The following NEO1 variants were observed in gnomAD, a reference collection of about 807,000 sequenced individuals.
The protein encoded by NEO1 is neogenin.
Under a neutral mutation model 159.7 loss-of-function variants are expected in NEO1, and 63 were observed. The observed-to-expected ratio is 0.39, with a 90% CI of 0.32 to 0.49. NEO1 has a LOEUF of 0.49. Ranked by LOEUF, NEO1 falls within the 20% of genes least tolerant of loss-of-function variation. The pLI is 0.85. For missense variants in NEO1, 1,615 were observed against 1,831.0 expected (o/e 0.88, Z 2.15); for synonymous variants, 633 against 662.0 (o/e 0.96, Z 0.67).
At chr15:73,245,069 G>A (rs2039714642) in intron 9 of NEO1, among the ~76,000 whole-genome samples, 1 of 149,690 alleles carries the variant, frequency 6.7e-6, no homozygotes, top group Non-Finnish European at 1.5e-5. Context: ...ACTTAGCTCA[G>A]ATGCCTTCTA....
At chr15:73,269,411 A>T (rs972169512) in intron 16 of NEO1, among the ~76,000 whole-genome samples, 7 of 152,074 alleles carry the variant, frequency 4.6e-5, no homozygotes, top group Non-Finnish European at 8.8e-5. Flanking sequence ...CCCAGGCTGG[A>T]GTACAGTGGT....
At chr15:73,196,833 C>T (rs1351669192) in intron 7 of NEO1, among the ~76,000 whole-genome samples, 1 of 152,130 alleles carries the variant, frequency 6.6e-6, no homozygotes, top group Non-Finnish European at 1.5e-5. Context: ...CCTCTCAAGC[C>T]TATAATTCTC....
chr15:73,108,624 C>T (rs1485362745), intron 1 of NEO1, among the ~76,000 whole-genome samples: 1 of 152,122 alleles, frequency 6.6e-6, no homozygotes, highest in Non-Finnish European at 1.5e-5. Context: ...AATAGTCTAG[C>T]CTGCTCATGG....
At chr15:73,086,585 G>T (rs912625400) in intron 1 of NEO1, among the ~76,000 whole-genome samples, 1 of 145,552 alleles carries the variant, frequency 6.9e-6, no homozygotes, top group Non-Finnish European at 1.5e-5. Flanking sequence ...TTTTGAGATG[G>T]AGTCTCACTC....
intron 5 of NEO1, among the ~76,000 whole-genome samples, chr15:73,172,383 T>C (rs1273936979): frequency 1.3e-5 from 2 of 152,182 alleles, no homozygotes; most frequent in African/African-American, 4.8e-5. Flanking sequence ...TAAATGGTTA[T>C]AAGTGGAAAG....
rs116270378 is a variant in NEO1, at chr15:73,271,405, A to G, written c.2857+951A>G. Among the ~76,000 whole-genome samples, 491 of 152,284 alleles carry G rather than the reference A, an allele frequency of 3.2e-3. 1 individual carries two copies. Among genetic ancestry groups the G allele is most frequent in the African/African-American group, 0.011 (464 of 41,548 alleles). ...AAGAGTTGAGTAAATTTAAGGATGT[A>G]CTTAATTTGCTCATTTTCCTACTAG... On this transcript the variant is annotated intron_variant, in intron 18 of 28. Coordinates refer to ENST00000261908, the MANE Select transcript of NEO1 (RefSeq NM_002499.4).
chr15:73,301,206 T>C (rs1229967449), intron 27 of NEO1, 115 bp from the exon 28 acceptor site: 1 of 1,358,378 alleles, frequency 7.4e-7, no homozygotes, highest in Non-Finnish European at 1.0e-6. Flanking sequence ...GCAGTATCCC[T>C]GCACTGGGTC....
At chr15:73,213,820 T>C (rs2037722918) in intron 7 of NEO1, among the ~76,000 whole-genome samples, 1 of 152,232 alleles carries the variant, frequency 6.6e-6, no homozygotes, top group Admixed American at 6.5e-5. Context: ...GTAGTTCTAC[T>C]TTTAATTCTT....
intron 11 of NEO1, among the ~76,000 whole-genome samples, chr15:73,252,800 G>C (rs1198889547): frequency 6.6e-6 from 1 of 152,046 alleles, no homozygotes; most frequent in African/African-American, 2.4e-5. Flanking sequence ...GACCAGCCTG[G>C]CCAACATGGT....
chr15:73,170,646 AT>A (rs1437083386), intron 5 of NEO1, among the ~76,000 whole-genome samples: 2 of 152,194 alleles, frequency 1.3e-5, no homozygotes, highest in Admixed American at 1.3e-4. Context: ...TAATACTTAA[AT>A]GAAAAATCCT....
At chr15:73,089,922 C>T (rs181556274) in intron 1 of NEO1, among the ~76,000 whole-genome samples, 2 of 152,202 alleles carry the variant, frequency 1.3e-5, no homozygotes, top group Admixed American at 6.5e-5. Flanking sequence ...AGCCCTCCTA[C>T]ATAGGATGAC....
chr15:73,196,608 G>A (rs991100689), intron 7 of NEO1, among the ~76,000 whole-genome samples: 27 of 152,306 alleles, frequency 1.8e-4, no homozygotes, highest in African/African-American at 6.3e-4. Flanking sequence ...GAGTCTCCTA[G>A]CTATTCATCA....
intron 7 of NEO1, among the ~76,000 whole-genome samples, chr15:73,233,689 A>C (rs2039030257): frequency 6.6e-6 from 1 of 152,122 alleles, no homozygotes; most frequent in Non-Finnish European, 1.5e-5. Context: ...TCAGTAGGGT[A>C]ACTGAGTTTT....
intron 9 of NEO1, 60 bp downstream of exon 9, chr15:73,244,558 T>G: frequency 6.4e-7 from 1 of 1,569,602 alleles, no homozygotes; most frequent in Non-Finnish European, 8.7e-7. Flanking sequence ...AAGTTCTACC[T>G]TTGTTTAGCC....
intron 9 of NEO1, among the ~76,000 whole-genome samples, chr15:73,244,971 A>C (rs889375218): frequency 6.8e-6 from 1 of 147,234 alleles, no homozygotes; most frequent in Admixed American, 6.9e-5. Context: ...AAAAAAAAAA[A>C]AAAAAAAAAA....
intron 5 of NEO1, among the ~76,000 whole-genome samples, chr15:73,140,064 C>T (rs932246558): frequency 6.6e-6 from 1 of 152,134 alleles, no homozygotes; most frequent in South Asian, 2.1e-4. Context: ...AAGTGGTTGT[C>T]GTTATTAGTC....
intron 16 of NEO1, among the ~76,000 whole-genome samples, chr15:73,269,485 C>T (rs957177568): frequency 3.3e-5 from 5 of 152,090 alleles, no homozygotes; most frequent in East Asian, 1.9e-4. Context: ...CTCAGCCTCC[C>T]GAGTAGCTGG....
intron 5 of NEO1, among the ~76,000 whole-genome samples, chr15:73,156,480 T>C (rs1394523406): frequency 1.3e-5 from 2 of 152,178 alleles, no homozygotes; most frequent in Non-Finnish European, 2.9e-5. Flanking sequence ...AGGTAGACCA[T>C]GCAGGTGAGC....
intron 7 of NEO1, among the ~76,000 whole-genome samples, chr15:73,195,026 A>G (rs995811050): frequency 6.6e-6 from 1 of 152,200 alleles, no homozygotes; most frequent in Non-Finnish European, 1.5e-5. Context: ...CATCAATTTC[A>G]TCTTTGCCAA....
Sources: allele counts gnomAD v4.1 joint callset (sites outside exome capture counted in the v4.1 genomes callset), GRCh38; gene constraint gnomAD v4.1.1; transcripts MANE v1.5; gene names NCBI Gene and HGNC (gene_info 2026-07-23, HGNC 2026-07-21).